FBXO41: variants seen among roughly 807,000 people sequenced by gnomAD.
FBXO41 encodes the protein F-box protein 41.
Under a neutral mutation model 81.6 loss-of-function variants are expected in FBXO41, and 33 were observed. The ratio of observed to expected loss-of-function variants is 0.40; its 90% CI spans 0.31 to 0.54. FBXO41 has a LOEUF of 0.54. Ranked by LOEUF, FBXO41 falls within the 20% of genes least tolerant of loss-of-function variation. The pLI, the probability that FBXO41 is intolerant of heterozygous loss-of-function variation, is 0.39. For missense variants in FBXO41, 1,107 were observed against 1,236.0 expected (o/e 0.90, Z 1.56); for synonymous variants, 576 against 552.7 (o/e 1.04, Z -0.59).
rs779443682 is a variant in FBXO41 at position 73,264,490 on chromosome 2, G to T, written c.1594C>A (p.Arg532=). ...GAGGGGCTGACCCTCTCTGCTCGCCGACCCCGCCCACTGCCTCCCTCGGGG... is the reference window on the plus strand; with the variant it reads ...GAGGGGCTGACCCTCTCTGCTCGCCTACCCCGCCCACTGCCTCCCTCGGGG... ...ARPEGGSGRG[R]RAERVSPSRS... Residue 532 remains arginine, a synonymous_variant, in exon 6 of 13, where the codon CGG becomes AGG. Coordinates refer to ENST00000520530, the MANE Select transcript of FBXO41 (RefSeq NM_001371389.2). The T allele has an allele frequency of 6.2e-7, 1 of 1,613,728 alleles. No individual in the cohort carries two copies. Among genetic ancestry groups the T allele is most frequent in the African/African-American group, 1.3e-5 (1 of 75,032 alleles).
At position 73,260,420 on chromosome 2, in the gene FBXO41, G is replaced by A. The variant is rs183451969; in HGVS notation, c.2418C>T (p.Pro806=). Residue 806 remains proline (P), a synonymous_variant, in exon 11 of 13, where the codon CCC becomes CCT. Coordinates refer to ENST00000520530, the MANE Select transcript of FBXO41 (RefSeq NM_001371389.2). This position sits in a 1 kb window ranked among gnomAD's most constrained non-coding sequence, Gnocchi z 5.0. ...AGTGCAGTAGGGCCTTAGGGGTGAC[G>A]GGAGTCGCCGTGAGCACCAGCATCT... ...GLEMLVLTAT[P]VTPKALLHFN... 50 of 1,612,028 alleles carry A rather than the reference G, an allele frequency of 3.1e-5. 1 individual carries two copies. In the East Asian group the frequency reaches 3.3e-4, roughly 11 times the overall value.
chr2:73,276,354 G>A (rs995171416), intron 1 of FBXO41, among the ~76,000 whole-genome samples: 5 of 151,612 alleles, frequency 3.3e-5, no homozygotes, highest in Non-Finnish European at 7.4e-5. Flanking sequence ...AGGTTGCAAT[G>A]AGCCATTCCG....
At chr2:73,267,429 G>T (rs1228911670) in intron 2 of FBXO41, among the ~76,000 whole-genome samples, 1 of 152,198 alleles carries the variant, frequency 6.6e-6, no homozygotes, top group African/African-American at 2.4e-5. Context: ...TAGGAGCTGC[G>T]TGAACACATG....
chr2:73,269,129 A>G lies in FBXO41; in HGVS notation c.502T>C (p.Cys168Arg). ...CCGGGGCCAGGCGGCGGCGTCGAGC[A>G]CGCCGAGGACGCCACGGACTTGCGG... ...FARKSVASSA[C>R]STPPPGPGPG... is the part of the protein sequence containing the mutation. Residue 168 changes from cysteine to arginine, a missense_variant, in exon 2 of 13, where the codon TGC (cysteine) becomes CGC (arginine). Physicochemically the swap from Cys to Arg is radical, Grantham distance 180 (BLOSUM62 -3). This residue lies in a region of FBXO41 where 771 missense variants were observed against 789.2 expected (regional missense o/e 0.98). Transcript: ENST00000520530. The surrounding 1 kb of genome is among the most constrained non-coding windows in gnomAD (Gnocchi z 7.0). 2 of 1,516,052 alleles carry G rather than the reference A, an allele frequency of 1.3e-6. No homozygotes were observed. The highest frequency in any genetic ancestry group is 1.8e-6 in the Non-Finnish European group (2 of 1,138,894). The allele number at this position is 1,516,052 out of a possible 1,614,324, so 93.9% of individuals were successfully genotyped here. A position where few individuals can be genotyped will look rare whatever the true frequency, so the allele number is the denominator to read the frequency against.
intron 1 of FBXO41, among the ~76,000 whole-genome samples, chr2:73,279,414 A>G (rs755942768): frequency 1.3e-5 from 2 of 152,190 alleles, no homozygotes; most frequent in Non-Finnish European, 2.9e-5. Context: ...TATTTAATCA[A>G]TGAGCAAGTC....
Position 73,259,346 on chromosome 2 carries a change from C to G in FBXO41, c.2450-50G>C. Reference sequence around the variant, plus strand: ...GGCGTGTTTGGCCTGGGCTGTGGAGCTGCCTCCTCTCCTCTCACTAATTAA... The same window carrying G: ...GGCGTGTTTGGCCTGGGCTGTGGAGGTGCCTCCTCTCCTCTCACTAATTAA... On this transcript the variant is annotated intron_variant, in intron 11 of 12. Coordinates refer to ENST00000520530, the MANE Select transcript of FBXO41 (RefSeq NM_001371389.2). This position sits in a 1 kb window ranked among gnomAD's most constrained non-coding sequence, Gnocchi z 4.2. 7.0e-7 allele frequency: 1 copy of G among 1,421,372 alleles called. No individual in the cohort carries two copies. Among genetic ancestry groups the G allele is most frequent in the Non-Finnish European group, 9.9e-7 (1 of 1,005,212 alleles). 88.0% of individuals were successfully genotyped at this position (1,421,372 alleles called of 1,614,324 possible).
intron 5 of FBXO41, among the ~76,000 whole-genome samples, chr2:73,265,074 C>T (rs954579874): frequency 1.1e-4 from 16 of 152,336 alleles, no homozygotes; most frequent in East Asian, 7.7e-4. Flanking sequence ...CCCCCCTGCC[C>T]CCCAGATGTG....
chr2:73,265,965 C>T lies in FBXO41; in HGVS notation c.1133G>A (p.Arg378Gln), dbSNP rs759503367. 9 of 1,570,336 alleles carry T rather than the reference C, an allele frequency of 5.7e-6. No individual in the cohort carries two copies. The highest frequency in any genetic ancestry group is 2.3e-5 in the East Asian group (1 of 42,702). The change falls in exon 4 of 13, where the codon CGA becomes CAA. Residue 378 changes from arginine to glutamine, a missense_variant and splice_region_variant. Arg to Gln is a conservative substitution (Grantham distance 43). This residue lies in a region of FBXO41 where 771 missense variants were observed against 789.2 expected (regional missense o/e 0.98). Coordinates refer to ENST00000520530, the MANE Select transcript of FBXO41 (RefSeq NM_001371389.2). ...GPNARGPGRM[R>Q]EHHVGPAVPN... is the part of the protein sequence containing the mutation. Reference sequence around the variant, plus strand: ...CACGGCCGGGCCCACGTGGTGTTCTCGCTGTGGGCCCCCAGAGCAGGAGGT... The same window carrying T: ...CACGGCCGGGCCCACGTGGTGTTCTTGCTGTGGGCCCCCAGAGCAGGAGGT...
intron 4 of FBXO41, 44 bp from the exon 5 acceptor site, chr2:73,265,684 G>GC (rs1207025178): frequency 1.2e-5 from 18 of 1,460,208 alleles, no homozygotes; most frequent in East Asian, 9.8e-5. Flanking sequence ...GAGGCACCAG[G>GC]CCTACCCAAA....
In FBXO41 at chr2:73,256,340, GC is replaced by G. The variant is rs949530580; in HGVS notation, c.*2641del. 1.5e-4 allele frequency: 23 copies of G among 152,422 alleles called. No individual in the cohort carries two copies. Among genetic ancestry groups the G allele is most frequent in the African/African-American group, 5.5e-4 (23 of 41,548 alleles). The allele number at this position is 152,422 out of a possible 1,614,324, so 9.4% of individuals were successfully genotyped here. Reference sequence around the variant, plus strand: ...GTCACCAAAAAAATCCATGCATAGAGCCTCCCAGCAAGCAAAAGCTCCCTAC... The same window carrying G: ...GTCACCAAAAAAATCCATGCATAGAGCTCCCAGCAAGCAAAAGCTCCCTAC... On this transcript the variant is annotated 3_prime_UTR_variant, in exon 13 of 13. Coordinates refer to ENST00000520530, the MANE Select transcript of FBXO41 (RefSeq NM_001371389.2).
rs1687932163 is a variant in FBXO41 at position 73,259,531 on chromosome 2, C to T, written c.2450-235G>A. On this transcript the variant is annotated intron_variant, in intron 11 of 12. Coordinates refer to ENST00000520530, the MANE Select transcript of FBXO41 (RefSeq NM_001371389.2). This position sits in a 1 kb window ranked among gnomAD's most constrained non-coding sequence, Gnocchi z 4.2. ...GGGAGGGTGAGTGGGCAGCCACCAG[C>T]TGTCCAAAGCCTCTAGGAACTTCCC... 1.3e-5 allele frequency among the ~76,000 whole-genome samples: 2 copies of T among 152,192 alleles called. No individual in the cohort carries two copies. Among genetic ancestry groups the T allele is most frequent in the African/African-American group, 4.8e-5 (2 of 41,430 alleles).
chr2:73,269,698 T>C lies in FBXO41; in HGVS notation c.-68A>G. On this transcript the variant is annotated 5_prime_UTR_variant, in exon 2 of 13. It removes an upstream start codon present in the reference 5' UTR. Transcript: ENST00000520530. The surrounding 1 kb of genome is among the most constrained non-coding windows in gnomAD (Gnocchi z 7.0). Reference sequence around the variant, plus strand: ...CCCGCCGGTCAGCCGGGCGCGCTCATGGGGGACCGCGGGCGAGGCCCCCTG... The same window carrying C: ...CCCGCCGGTCAGCCGGGCGCGCTCACGGGGGACCGCGGGCGAGGCCCCCTG... 2 of 1,085,420 alleles carry C rather than the reference T, an allele frequency of 1.8e-6. No homozygotes were observed. The highest frequency in any genetic ancestry group is 2.3e-6 in the Non-Finnish European group (2 of 888,484). 67.2% of individuals were successfully genotyped at this position (1,085,420 alleles called of 1,614,324 possible).
At chr2:73,263,437 G>T in intron 8 of FBXO41, 129 bp from the exon 9 acceptor site, 1 of 767,930 alleles carries the variant, frequency 1.3e-6, no homozygotes, top group South Asian at 1.9e-5. Context: ...TGGGCAATAC[G>T]GCGAGACCCC....
At chr2:73,262,066 T>A (rs1486217942) in intron 9 of FBXO41, among the ~76,000 whole-genome samples, 1 of 151,988 alleles carries the variant, frequency 6.6e-6, no homozygotes, top group Admixed American at 6.6e-5. Context: ...CTACTACAAA[T>A]ACAAAAATTA....
Position 73,268,659 on chromosome 2 carries a change from G to C in FBXO41, c.905+67C>G, listed in dbSNP as rs556427132. 431 of 1,373,278 alleles carry C rather than the reference G, an allele frequency of 3.1e-4. 2 individuals carry two copies. In the South Asian group the frequency reaches 5.8e-3, roughly 19 times the overall value. The allele number at this position is 1,373,278 out of a possible 1,614,324, so 85.1% of individuals were successfully genotyped here. On this transcript the variant is annotated intron_variant, in intron 2 of 12. Transcript: ENST00000520530. ...TACAGACACACTCAGGCACGCCCACGGTGGTGGTGGTGGCACAGTGACCCG... is the reference window on the plus strand; with the variant it reads ...TACAGACACACTCAGGCACGCCCACCGTGGTGGTGGTGGCACAGTGACCCG...
chr2:73,264,983 C>A (rs781696562), intron 5 of FBXO41, among the ~76,000 whole-genome samples: 3 of 152,264 alleles, frequency 2.0e-5, no homozygotes, highest in East Asian at 3.9e-4. Flanking sequence ...GCCTCTCCCC[C>A]ACTGCACCAG....
rs377270722 is a variant in FBXO41 at position 73,260,483 on chromosome 2, C to T, written c.2355G>A (p.Val785=). 2.5e-6 allele frequency: 4 copies of T among 1,604,426 alleles called. No individual in the cohort carries two copies. Among genetic ancestry groups the T allele is most frequent in the Non-Finnish European group, 3.4e-6 (4 of 1,175,746 alleles). ...LDHVSEITQE[V]AAEVCREGLK... ...GGCCTTCCCGGCAGACCTCTGCTGC[C>T]ACCTCCTGGGTGATCTCTGACACGT... The change falls in exon 11 of 13, where the codon GTG becomes GTA. Residue 785 remains valine, a synonymous_variant. Transcript: ENST00000520530. The surrounding 1 kb of genome is among the most constrained non-coding windows in gnomAD (Gnocchi z 5.0).
rs201580699 is a variant in FBXO41, at chr2:73,266,617, C to T, written c.971G>A (p.Arg324Gln). The T allele has an allele frequency of 4.3e-4, 699 of 1,609,992 alleles. No individual in the cohort carries two copies. The highest frequency in any genetic ancestry group is 5.5e-4 in the Non-Finnish European group (646 of 1,178,394). ...GAGCTCCTCAATGAACTGCTGCAGC[C>T]GCAGCTTGGCGCTGGCCTCCCGCGC... ...TAAREASAKL[R>Q]LQQFIEELLE... The change falls in exon 3 of 13, where the codon CGG becomes CAG. Residue 324 changes from arginine (R) to glutamine (Q), a missense_variant. Transcript: ENST00000520530. The surrounding 1 kb of genome is among the most constrained non-coding windows in gnomAD (Gnocchi z 5.3).
Position 73,266,549 on chromosome 2 carries a change from T to C in FBXO41, c.1039A>G (p.Ser347Gly). Residue 347 changes from serine (S) to glycine (G), a missense_variant, in exon 3 of 13, where the codon AGC becomes GGC. Transcript: ENST00000520530. This position sits in a 1 kb window ranked among gnomAD's most constrained non-coding sequence, Gnocchi z 5.3. ...CTGGGCGTGCTGCCACAGCTGCTGC[T>C]GATGACCTGCAGCTGCCGCTCGGCA... The part of the protein sequence containing the change: ...DRAERQLQVI[S>G]SSCGSTPSAS... The C allele has an allele frequency of 6.2e-7, 1 of 1,609,260 alleles. No individual in the cohort carries two copies. The highest frequency in any genetic ancestry group is 8.5e-7 in the Non-Finnish European group (1 of 1,178,550).
Sources: allele counts gnomAD v4.1 joint callset (sites outside exome capture counted in the v4.1 genomes callset), GRCh38; gene constraint gnomAD v4.1.1; regional missense constraint gnomAD v4.1.1; non-coding constraint Gnocchi (gnomAD v3.1); transcripts MANE v1.5; gene names NCBI Gene and HGNC (gene_info 2026-07-23, HGNC 2026-07-21).